The following N4BP2L2 variants were observed in gnomAD, a reference collection of about 807,000 sequenced individuals.
N4BP2L2 encodes NEDD4-binding protein 2-like 2.
A neutral mutation model predicts 56.2 loss-of-function variants in N4BP2L2; 50 were observed. The observed-to-expected ratio is 0.89, with a 90% CI of 0.71 to 1.13. The LOEUF is 1.13. N4BP2L2 is among the 50% of genes most tolerant of loss of function. N4BP2L2 has a pLI of 0.00. For synonymous variants in N4BP2L2, 203 were observed against 223.6 expected (o/e 0.91, Z 0.82); for missense variants, 689 against 693.8 (o/e 0.99, Z 0.08).
chr13:32,443,962 T>G (rs2076667140), exon 7 of N4BP2L2: 39 of 1,604,150 alleles, frequency 2.4e-5, no homozygotes, highest in Non-Finnish European at 3.3e-5. Context: ...GTCTTCCTCT[T>G]CACTCTGAGA....
chr13:32,463,998 G>A (rs1391313193), intron 6 of N4BP2L2, among the ~76,000 whole-genome samples: 1 of 148,054 alleles, frequency 6.8e-6, no homozygotes, highest in Non-Finnish European at 1.5e-5. Flanking sequence ...CAAATCCATG[G>A]GAAGAAATAA....
intron 6 of N4BP2L2, chr13:32,446,496 G>A (rs2138368114): frequency 7.6e-7 from 1 of 1,311,320 alleles, no homozygotes; most frequent in South Asian, 1.2e-5. Context: ...GCAGGGCAAG[G>A]AGAAAAAGAA....
chr13:32,523,011 C>T (rs2051426611), intron 3 of N4BP2L2: 1 of 152,106 alleles, frequency 6.6e-6, no homozygotes, highest in Non-Finnish European at 1.5e-5. Context: ...AACTATGGTC[C>T]TCAAATTGTG....
At chr13:32,519,710 C>A (rs1448331430) in intron 5 of N4BP2L2, among the ~76,000 whole-genome samples, 1 of 151,540 alleles carries the variant, frequency 6.6e-6, no homozygotes, top group Non-Finnish European at 1.5e-5. Flanking sequence ...AGCAGTAGAC[C>A]CTGTCTCAAA....
At chr13:32,518,471 TACAA>T (rs1342820862) in intron 5 of N4BP2L2, among the ~76,000 whole-genome samples, 1 of 152,170 alleles carries the variant, frequency 6.6e-6, no homozygotes, top group Non-Finnish European at 1.5e-5. Context: ...GAACATCTCT[TACAA>T]ACATAATGTT....
At chr13:32,518,027 A>G in intron 5 of N4BP2L2, 24 bp from the exon 6 acceptor site, 1 of 1,607,676 alleles carries the variant, frequency 6.2e-7, no homozygotes, top group Non-Finnish European at 8.5e-7. Context: ...AAAGGATTGT[A>G]AATCTTTGTT....
At chr13:32,461,986 G>A (rs2080177582) in intron 6 of N4BP2L2, among the ~76,000 whole-genome samples, 1 of 152,200 alleles carries the variant, frequency 6.6e-6, no homozygotes, top group African/African-American at 2.4e-5. Flanking sequence ...CTCATACACT[G>A]TTGTTGGGAA....
chr13:32,454,704 TA>T (rs1379568261), intron 6 of N4BP2L2, among the ~76,000 whole-genome samples: 7 of 152,172 alleles, frequency 4.6e-5, no homozygotes, highest in Non-Finnish European at 7.4e-5. Flanking sequence ...AGATGGAAGT[TA>T]GAAGGAGGGG....
At chr13:32,486,843 C>A (rs540978237) in intron 6 of N4BP2L2, among the ~76,000 whole-genome samples, 1 of 151,732 alleles carries the variant, frequency 6.6e-6, no homozygotes, top group South Asian at 2.1e-4. Context: ...ACTAAAAATA[C>A]AAAAAATTAG....
chr13:32,527,771 C>A (rs1465610554), intron 2 of N4BP2L2, among the ~76,000 whole-genome samples: 13 of 148,684 alleles, frequency 8.7e-5, no homozygotes, highest in African/African-American at 3.2e-4. Context: ...CAGATGCTAA[C>A]AGAAACTCTT....
At chr13:32,475,496 T>C (rs958275105) in intron 6 of N4BP2L2, among the ~76,000 whole-genome samples, 5 of 152,184 alleles carry the variant, frequency 3.3e-5, no homozygotes, top group Non-Finnish European at 7.3e-5. Flanking sequence ...ATAGGGCTCA[T>C]AGATTGGTTT....
chr13:32,528,759 T>C (rs188289958), intron 2 of N4BP2L2, among the ~76,000 whole-genome samples: 30 of 152,202 alleles, frequency 2.0e-4, no homozygotes, highest in African/African-American at 7.0e-4. Flanking sequence ...AATATTGGCC[T>C]GGAATGATTC....
chr13:32,442,635 C>A (rs1232215777), exon 7 of N4BP2L2: 1 of 1,613,838 alleles, frequency 6.2e-7, no homozygotes, highest in Non-Finnish European at 8.5e-7. Context: ...GAGAAATAAA[C>A]CCTGCATCAT....
exon 2 of N4BP2L2, chr13:32,536,962 G>A: frequency 6.2e-7 from 1 of 1,612,470 alleles, no homozygotes; most frequent in Non-Finnish European, 8.5e-7. Flanking sequence ...ATTTTTTACA[G>A]CGTGGCTCAC....
chr13:32,480,625 T>A (rs2084447884), intron 6 of N4BP2L2: 1 of 1,288,170 alleles, frequency 7.8e-7, no homozygotes, highest in Non-Finnish European at 1.0e-6. Flanking sequence ...ATTTGATATT[T>A]CTTCAGTCAC....
At chr13:32,508,156 A>C (rs893421078), downstream of N4BP2L2, 1 of 152,222 alleles carries the variant, frequency 6.6e-6, no homozygotes, top group Non-Finnish European at 1.5e-5. Context: ...ACAGAGGAAT[A>C]TTCTGGAGAC....
chr13:32,434,248 C>CTTTTTTTTTTTTT (rs369328452), intron 9 of N4BP2L2, among the ~76,000 whole-genome samples: 19 of 112,030 alleles, frequency 1.7e-4, no homozygotes, highest in East Asian at 3.0e-4. Context: ...AGCTAATTTT[C>CTTTTTTTTTTTTT]TTTTTTTCTT....
intron 8 of N4BP2L2, chr13:32,438,600 AAAC>A (rs201307516): frequency 4.6e-4 from 645 of 1,414,938 alleles, no homozygotes; most frequent in African/African-American, 1.8e-3. Flanking sequence ...ACTCCGTCTC[AAAC>A]AACAACAACA....
intron 2 of N4BP2L2, among the ~76,000 whole-genome samples, chr13:32,528,325 G>A (rs2053674499): frequency 6.6e-6 from 1 of 152,142 alleles, no homozygotes; most frequent in South Asian, 2.1e-4. Flanking sequence ...GTGAAAGTCG[G>A]AAATAGTTGG....
Sources: allele counts gnomAD v4.1 joint callset (sites outside exome capture counted in the v4.1 genomes callset), GRCh38; gene constraint gnomAD v4.1.1; transcripts MANE v1.5; gene names NCBI Gene and HGNC (gene_info 2026-07-23, HGNC 2026-07-21).